Variants in NUP155 observed in about 807,000 individuals in gnomAD.
NUP155 encodes nuclear pore complex protein Nup155.
A neutral mutation model predicts 180.4 loss-of-function variants in NUP155; 71 were observed. The observed-to-expected ratio is 0.39, with a 90% confidence interval of 0.33 to 0.48. NUP155 has a LOEUF of 0.48. Ranked by LOEUF, NUP155 falls within the 20% of genes least tolerant of loss-of-function variation. The pLI, the probability that NUP155 is intolerant of heterozygous loss-of-function variation, is 0.91. For missense variants in NUP155, 1,553 were observed against 1,648.9 expected, an observed-to-expected ratio of 0.94 and a Z score of 1.01; for synonymous variants, 582 against 559.5, an observed-to-expected ratio of 1.04 and a Z score of -0.57.
At chr5:37,365,952 A>G (rs2111742514) in intron 1 of NUP155, among the ~76,000 whole-genome samples, 1 of 151,918 alleles carries the variant, frequency 6.6e-6, no homozygotes, top group African/African-American at 2.4e-5. Context: ...TGACTGGGGG[A>G]AAATACTGCC....
intron 21 of NUP155, among the ~76,000 whole-genome samples, chr5:37,317,562 CAT>C (rs1216633126): frequency 6.6e-6 from 1 of 151,632 alleles, no homozygotes; most frequent in African/African-American, 2.4e-5. Context: ...ATAAAAAAAA[CAT>C]AATGAAATAG....
At chr5:37,322,445 C>T (rs974869267) in intron 20 of NUP155, among the ~76,000 whole-genome samples, 7 of 152,120 alleles carry the variant, frequency 4.6e-5, no homozygotes, top group African/African-American at 9.7e-5. Context: ...CGGTGGCTCA[C>T]GCCTGTAATC....
intron 22 of NUP155, among the ~76,000 whole-genome samples, chr5:37,311,602 C>A (rs553479080): frequency 6.6e-6 from 1 of 150,906 alleles, no homozygotes; most frequent in Admixed American, 6.6e-5. Flanking sequence ...AAATGGTATA[C>A]GAGAGTCAAA....
chr5:37,310,853 T>G, intron 22 of NUP155, 110 bp from the exon 23 acceptor site: 1 of 919,412 alleles, frequency 1.1e-6, no homozygotes, highest in African/African-American at 1.7e-5. Flanking sequence ...ACTCTATAAT[T>G]GAAAAGCGAA....
chr5:37,326,102 C>A (rs1744585554), intron 18 of NUP155, 135 bp from the exon 19 acceptor site: 2 of 698,250 alleles, frequency 2.9e-6, no homozygotes, highest in African/African-American at 1.8e-5. Flanking sequence ...TTTTACTAAG[C>A]TATCTAGAAG....
intron 1 of NUP155, among the ~76,000 whole-genome samples, chr5:37,369,980 ACAT>A (rs1747853215): frequency 1.3e-5 from 2 of 152,210 alleles, no homozygotes; most frequent in Admixed American, 1.3e-4. Context: ...CTCTCCCTGT[ACAT>A]AAGCACTGTG....
intron 3 of NUP155, among the ~76,000 whole-genome samples, chr5:37,358,828 C>G (rs1486610905): frequency 6.6e-6 from 1 of 152,004 alleles, no homozygotes; most frequent in Non-Finnish European, 1.5e-5. Context: ...GCCATCCTGG[C>G]CAATGTGGTG....
In NUP155 at chr5:37,337,877, TATC is replaced by T. The variant is rs1406896094; in HGVS notation, c.1285_1287del (p.Asp429del). On this transcript the variant is annotated inframe_deletion, in exon 12 of 35. Coordinates refer to ENST00000231498, the MANE Select transcript of NUP155 (RefSeq NM_153485.3). ...GTATCATGGTTGACACACCATAAAA[TATC>T]ATTATCCTCATTTTCTGAGGCTGCC... 6.2e-7 allele frequency: 1 copy of T among 1,611,768 alleles called. No homozygotes were observed. The highest frequency in any genetic ancestry group is 8.5e-7 in the Non-Finnish European group (1 of 1,178,738).
intron 20 of NUP155, 57 bp from the exon 21 acceptor site, chr5:37,318,142 C>CTGT (rs1561780553): frequency 1.1e-6 from 1 of 937,348 alleles, no homozygotes; most frequent in South Asian, 1.3e-5. Flanking sequence ...AGATATAACA[C>CTGT]ATACAGTACA....
At position 37,351,172 on chromosome 5, in the gene NUP155, T is replaced by C. The variant is rs1746432538; in HGVS notation, c.723+18A>G. 6.2e-7 allele frequency: 1 copy of C among 1,611,116 alleles called. No individual in the cohort carries two copies. The highest frequency in any genetic ancestry group is 8.5e-7 in the Non-Finnish European group (1 of 1,177,810). On this transcript the variant is annotated intron_variant, in intron 6 of 34. Transcript: ENST00000231498. Reference sequence around the variant, plus strand: ...CCATCAAGAGAGAAAAAAAAACGTTTACAAATGTCAGACTTACCTGGTAGG... The same window carrying C: ...CCATCAAGAGAGAAAAAAAAACGTTCACAAATGTCAGACTTACCTGGTAGG...
intron 32 of NUP155, among the ~76,000 whole-genome samples, chr5:37,295,419 T>C (rs1215617033): frequency 6.6e-6 from 1 of 152,086 alleles, no homozygotes; most frequent in African/African-American, 2.4e-5. Context: ...CCCAGCAGCC[T>C]GCCTTGGCCT....
intron 3 of NUP155, among the ~76,000 whole-genome samples, chr5:37,363,413 T>C (rs1747346084): frequency 6.6e-6 from 1 of 152,194 alleles, no homozygotes; most frequent in South Asian, 2.1e-4. Context: ...CATGCTGTAT[T>C]TAAGCAAAAG....
intron 23 of NUP155, 104 bp downstream of exon 23, chr5:37,310,448 A>T: frequency 1.1e-6 from 1 of 873,620 alleles, no homozygotes; most frequent in Non-Finnish European, 1.8e-6. Flanking sequence ...AGGAGAGGTT[A>T]AGAGATCTAA....
intron 9 of NUP155, among the ~76,000 whole-genome samples, chr5:37,344,732 T>TC (rs1445812083): frequency 6.6e-6 from 1 of 151,686 alleles, no homozygotes; most frequent in African/African-American, 2.4e-5. Context: ...ATTACCCAGG[T>TC]GTGGTGGTGT....
Position 37,292,919 on chromosome 5 carries a change from T to C in NUP155, c.3997A>G (p.Arg1333Gly), listed in dbSNP as rs1271614235. 1 of 1,612,348 alleles carries C rather than the reference T, an allele frequency of 6.2e-7. No individual in the cohort carries two copies. Among genetic ancestry groups the C allele is most frequent in the East Asian group, 2.2e-5 (1 of 44,720 alleles). ...ACTTGGCTGGGATTCTCAACATATC[T>C]TATCAATAATACATGTATACAATCC... ...LLDCIHVLLI[R>G]YVENPSQVLN... is the part of the protein sequence containing the mutation. Residue 1333 changes from arginine to glycine, a missense_variant, in exon 34 of 35, where the codon AGA becomes GGA. Arg to Gly is a moderately radical substitution (Grantham distance 125). Coordinates refer to ENST00000231498, the MANE Select transcript of NUP155 (RefSeq NM_153485.3).
At chr5:37,310,802 GAAA>G in intron 22 of NUP155, 59 bp from the exon 23 acceptor site, 3 of 1,286,748 alleles carry the variant, frequency 2.3e-6, no homozygotes, top group East Asian at 2.5e-5. Context: ...TAAACATAAT[GAAA>G]TTATTTTAAT....
At position 37,341,074 on chromosome 5, in the gene NUP155, G is replaced by T. The variant is rs540760315; in HGVS notation, c.1246+16C>A. The T allele has an allele frequency of 1.3e-6, 2 of 1,572,808 alleles. No homozygotes were observed. Among genetic ancestry groups the T allele is most frequent in the Non-Finnish European group, 1.7e-6 (2 of 1,142,996 alleles). On this transcript the variant is annotated intron_variant, in intron 11 of 34. Coordinates refer to ENST00000231498, the MANE Select transcript of NUP155 (RefSeq NM_153485.3). ...TAAGAATATAATCTTAAATCTGATA[G>T]TATTTCAGAACTTACCTTTACTATA...
At chr5:37,298,374 G>A (rs376305127) in intron 32 of NUP155, among the ~76,000 whole-genome samples, 2 of 152,020 alleles carry the variant, frequency 1.3e-5, no homozygotes, top group South Asian at 4.1e-4. Flanking sequence ...GAAAACACTT[G>A]TAGGTTGGCA....
chr5:37,336,305 A>G (rs965951527), intron 12 of NUP155, among the ~76,000 whole-genome samples: 6 of 152,044 alleles, frequency 3.9e-5, no homozygotes, highest in Admixed American at 2.0e-4. Flanking sequence ...ATATAGTCAG[A>G]CCCTGTCGCT....
Sources: gnomAD v4.1 joint callset for allele counts (sites outside exome capture counted in the v4.1 genomes callset) on GRCh38, gnomAD v4.1.1 for gene constraint, MANE v1.5 for transcripts, NCBI Gene and HGNC (gene_info 2026-07-23, HGNC 2026-07-21) for gene names.